Variants in PELI2 observed in about 807,000 individuals in gnomAD.
The protein encoded by PELI2 is pellino E3 ubiquitin protein ligase family member 2.
PELI2 carries 23 observed loss-of-function variants against 42.3 expected under a neutral mutation model. The ratio of observed to expected loss-of-function variants is 0.54; its 90% CI spans 0.39 to 0.77. PELI2 has a LOEUF of 0.77. Ranked by LOEUF, PELI2 falls within the 30% of genes least tolerant of loss-of-function variation. PELI2 has a pLI of 0.00. For missense variants in PELI2, 463 were observed against 553.2 expected, an observed-to-expected ratio of 0.84 and a Z score of 1.64; for synonymous variants, 245 against 212.2, an observed-to-expected ratio of 1.15 and a Z score of -1.34.
rs950702248 is a variant in PELI2 at position 56,273,895 on chromosome 14, G to A, written c.208-5781G>A. Among the ~76,000 whole-genome samples, 10 of 152,188 alleles carry A rather than the reference G, an allele frequency of 6.6e-5. No homozygotes were observed. The highest frequency in any genetic ancestry group is 1.0e-4 in the Non-Finnish European group (7 of 68,020). ...GAGGTCTGGGGACAGGTAGTTCCAC[G>A]TTTGATTCAGCATCTCAAAGATGTC... On this transcript the variant is annotated intron_variant, in intron 2 of 5. Transcript: ENST00000267460. This position sits in a 1 kb window ranked among gnomAD's most constrained non-coding sequence, Gnocchi z 4.3.
At chr14:56,228,163 C>T (rs1313617034) in intron 2 of PELI2, among the ~76,000 whole-genome samples, 1 of 152,184 alleles carries the variant, frequency 6.6e-6, no homozygotes, top group Non-Finnish European at 1.5e-5. Context: ...GAACAATAGC[C>T]ATGTATAAAA....
At chr14:56,226,354 C>T (rs571059778) in intron 2 of PELI2, among the ~76,000 whole-genome samples, 6 of 152,200 alleles carry the variant, frequency 3.9e-5, no homozygotes, top group Non-Finnish European at 5.9e-5. Context: ...CCAGTGCTGC[C>T]ATCTGCTTCT....
intron 1 of PELI2, among the ~76,000 whole-genome samples, chr14:56,124,035 AC>A (rs1272999749): frequency 6.6e-6 from 1 of 152,238 alleles, no homozygotes; most frequent in Non-Finnish European, 1.5e-5. Context: ...ATTTAATTAA[AC>A]GTTTCTCCTG....
At chr14:56,177,548 T>C (rs2139666175) in intron 1 of PELI2, among the ~76,000 whole-genome samples, 1 of 152,360 alleles carries the variant, frequency 6.6e-6, no homozygotes, top group South Asian at 2.1e-4. Flanking sequence ...AAGGGCCGAT[T>C]AATCCAGAGT....
At chr14:56,161,420 A>C (rs1884760828) in intron 1 of PELI2, among the ~76,000 whole-genome samples, 1 of 151,702 alleles carries the variant, frequency 6.6e-6, no homozygotes, top group Admixed American at 6.6e-5. Context: ...GACTACAGGT[A>C]CGCGCCACCA....
chr14:56,257,715 A>G (rs1013334266), intron 2 of PELI2, among the ~76,000 whole-genome samples: 1 of 152,158 alleles, frequency 6.6e-6, no homozygotes, highest in East Asian at 1.9e-4. Flanking sequence ...CAGGGCTGTG[A>G]TCCCTGAGAG....
intron 2 of PELI2, among the ~76,000 whole-genome samples, chr14:56,229,789 A>T (rs901439228): frequency 6.6e-6 from 1 of 152,314 alleles, no homozygotes; most frequent in East Asian, 1.9e-4. Context: ...GATCGGTAAT[A>T]ATAAACTTCT....
At chr14:56,198,972 T>C (rs1886236527) in intron 2 of PELI2, among the ~76,000 whole-genome samples, 1 of 152,226 alleles carries the variant, frequency 6.6e-6, no homozygotes, top group African/African-American at 2.4e-5. Context: ...CCTAATTTTG[T>C]ATATTTTTTG....
chr14:56,180,625 C>T lies in PELI2; in HGVS notation c.207+2161C>T, dbSNP rs1366708969. On this transcript the variant is annotated intron_variant, in intron 2 of 5. Transcript: ENST00000267460. The surrounding 1 kb of genome is among the most constrained non-coding windows in gnomAD (Gnocchi z 4.4). Reference sequence around the variant, plus strand: ...ATTTATTGTGAGCAGATCAACCACACCATGTTGCCTTTCAGACTCTCAAAC... The same window carrying T: ...ATTTATTGTGAGCAGATCAACCACATCATGTTGCCTTTCAGACTCTCAAAC... Among the ~76,000 whole-genome samples the T allele has an allele frequency of 2.0e-5, 3 of 152,200 alleles. No individual in the cohort carries two copies. Among genetic ancestry groups the T allele is most frequent in the Non-Finnish European group, 2.9e-5 (2 of 68,030 alleles).
intron 1 of PELI2, among the ~76,000 whole-genome samples, chr14:56,129,726 G>C (rs376722753): frequency 9.2e-5 from 14 of 152,316 alleles, no homozygotes; most frequent in African/African-American, 3.4e-4. Context: ...GGATGGACTT[G>C]TCCCTCTGCC....
intron 2 of PELI2, among the ~76,000 whole-genome samples, chr14:56,186,620 G>A (rs533609450): frequency 9.2e-5 from 14 of 152,248 alleles, no homozygotes; most frequent in African/African-American, 3.4e-4. Context: ...GGGAAGAGAT[G>A]AAAGAATTGA....
At chr14:56,211,802 CTT>C (rs3837611) in intron 2 of PELI2, among the ~76,000 whole-genome samples, 2 of 150,276 alleles carry the variant, frequency 1.3e-5, no homozygotes, top group Non-Finnish European at 1.5e-5. Context: ...TTAAAAGGCT[CTT>C]TTTTTTTTAC....
intron 2 of PELI2, among the ~76,000 whole-genome samples, chr14:56,199,396 C>T (rs1405470192): frequency 6.6e-6 from 1 of 152,200 alleles, no homozygotes; most frequent in Non-Finnish European, 1.5e-5. Context: ...TGCTGAGTCA[C>T]AGTTCAGTTA....
At chr14:56,171,607 CT>C (rs1349320283) in intron 1 of PELI2, among the ~76,000 whole-genome samples, 1 of 152,198 alleles carries the variant, frequency 6.6e-6, no homozygotes, top group Admixed American at 6.5e-5. Flanking sequence ...GAAGGCCTCA[CT>C]TTTTTAGAAC....
At chr14:56,249,973 A>G (rs906107596) in intron 2 of PELI2, among the ~76,000 whole-genome samples, 1 of 152,220 alleles carries the variant, frequency 6.6e-6, no homozygotes, top group African/African-American at 2.4e-5. Context: ...TGTTTCACAC[A>G]GGGAGCAAGA....
chr14:56,145,639 G>A (rs909762306), intron 1 of PELI2, among the ~76,000 whole-genome samples: 7 of 152,258 alleles, frequency 4.6e-5, no homozygotes, highest in African/African-American at 1.7e-4. Context: ...TCAGACAGTA[G>A]CAGTTCACAT....
chr14:56,140,796 A>G (rs1029394391), intron 1 of PELI2, among the ~76,000 whole-genome samples: 2 of 152,228 alleles, frequency 1.3e-5, no homozygotes, highest in African/African-American at 4.8e-5. Flanking sequence ...TGGTGCCCAC[A>G]GGATCTAATG....
Position 56,288,413 on chromosome 14 carries a change from C to G in PELI2, c.310-24C>G. ...GCACCCTGCTATTTTCCAAGTGAAT[C>G]ACGAGTACATTTGATTTACTTAGGT... On this transcript the variant is annotated intron_variant, in intron 3 of 5. Coordinates refer to ENST00000267460, the MANE Select transcript of PELI2 (RefSeq NM_021255.3). The surrounding 1 kb of genome is among the most constrained non-coding windows in gnomAD (Gnocchi z 4.6). The G allele has an allele frequency of 3.1e-6, 5 of 1,588,774 alleles. No individual in the cohort carries two copies. The highest frequency in any genetic ancestry group is 4.3e-6 in the Non-Finnish European group (5 of 1,158,632).
intron 1 of PELI2, among the ~76,000 whole-genome samples, chr14:56,177,808 T>G (rs573616155): frequency 6.6e-6 from 1 of 152,342 alleles, no homozygotes; most frequent in South Asian, 2.1e-4. Context: ...CAAACAGAAA[T>G]GAGAGTGAAT....
Sources: gnomAD v4.1 joint callset for allele counts (sites outside exome capture counted in the v4.1 genomes callset) on GRCh38, gnomAD v4.1.1 for gene constraint, Gnocchi (gnomAD v3.1) non-coding constraint, MANE v1.5 for transcripts, NCBI Gene and HGNC (gene_info 2026-07-23, HGNC 2026-07-21) for gene names.